Variants in SLC2A1 observed in about 807,000 individuals in gnomAD.
SLC2A1 encodes the protein solute carrier family 2 member 1.
A neutral mutation model predicts 46.6 loss-of-function variants in SLC2A1; 4 were observed. The observed-to-expected ratio is 0.09, with a 90% CI of 0.04 to 0.20. The LOEUF is 0.20. Among genes scored for constraint, SLC2A1 ranks in the 10% least tolerant of loss-of-function variants. The probability of loss-of-function intolerance (pLI) is 1.00; values close to 1 mark genes in which losing one functional copy is unlikely to be tolerated. For missense variants in SLC2A1, 352 were observed against 667.0 expected, an observed-to-expected ratio of 0.53 and a Z score of 5.20; for synonymous variants, 253 against 270.0, an observed-to-expected ratio of 0.94 and a Z score of 0.62.
Position 42,929,726 on chromosome 1 carries a change from T to C in SLC2A1, c.734A>G (p.Lys245Arg), listed in dbSNP as rs773788706. ...CCGCATCATCTGCCGACTCTCTTCC[T>C]TCATCTCCTGCAGGTCATGGGTCAC... ...ADVTHDLQEM[K>R]EESRQMMREK... Residue 245 changes from lysine (K) to arginine (R), a missense_variant, in exon 6 of 10, where the codon AAG (lysine) becomes AGG (arginine). Lys to Arg is a conservative substitution (Grantham distance 26). Around this residue, in one of 5 missense-constraint regions of SLC2A1, gnomAD observed 167 missense variants for 280.8 expected, o/e 0.59. Coordinates refer to ENST00000426263, the MANE Select transcript of SLC2A1 (RefSeq NM_006516.4). The surrounding 1 kb of genome is among the most constrained non-coding windows in gnomAD (Gnocchi z 6.0). 1.2e-6 allele frequency: 2 copies of C among 1,614,014 alleles called. No individual in the cohort carries two copies. Among genetic ancestry groups the C allele is most frequent in the African/African-American group, 1.3e-5 (1 of 74,914 alleles).
At chr1:42,939,784 C>T (rs1431615804) in intron 2 of SLC2A1, among the ~76,000 whole-genome samples, 1 of 151,990 alleles carries the variant, frequency 6.6e-6, no homozygotes, top group African/African-American at 2.4e-5. Context: ...CCCATCTCTA[C>T]TAAAAACACA....
At chr1:42,947,179 G>A (rs1643664926) in intron 1 of SLC2A1, among the ~76,000 whole-genome samples, 1 of 152,166 alleles carries the variant, frequency 6.6e-6, no homozygotes, top group Non-Finnish European at 1.5e-5. Context: ...TTATTCTGGT[G>A]TCAAGCTGAT....
intron 2 of SLC2A1, among the ~76,000 whole-genome samples, chr1:42,938,782 A>G (rs1464311298): frequency 6.6e-6 from 1 of 152,210 alleles, no homozygotes; most frequent in South Asian, 2.1e-4. Context: ...TATGAGGTCA[A>G]CTAACCCTTC....
chr1:42,952,077 G>T, intron 1 of SLC2A1: 1 of 441,348 alleles, frequency 2.3e-6, no homozygotes, highest in East Asian at 3.5e-5. Context: ...GGGCAAGGAT[G>T]GGGTCAACAG....
intron 2 of SLC2A1, among the ~76,000 whole-genome samples, chr1:42,931,670 A>AAAAAAAAAATT (rs1643491292): frequency 6.7e-6 from 1 of 149,840 alleles, no homozygotes; most frequent in Admixed American, 6.6e-5. Flanking sequence ...TACTAAAAAT[A>AAAAAAAAAATT]AAAAAAAAAT....
chr1:42,945,738 C>CAAAAAAAAAAAAAA (rs1166067644), intron 1 of SLC2A1, among the ~76,000 whole-genome samples: 1 of 115,448 alleles, frequency 8.7e-6, no homozygotes, highest in African/African-American at 2.8e-5. Flanking sequence ...GACTCTGTCT[C>CAAAAAAAAAAAAAA]AAAAAAAAAA....
chr1:42,939,103 G>C (rs530249645), intron 2 of SLC2A1, among the ~76,000 whole-genome samples: 6 of 152,232 alleles, frequency 3.9e-5, no homozygotes, highest in East Asian at 1.9e-4. Context: ...TGAATGAAAG[G>C]GTTGGCCAGA....
chr1:42,934,716 T>C (rs1439953417), intron 2 of SLC2A1, among the ~76,000 whole-genome samples: 2 of 152,088 alleles, frequency 1.3e-5, no homozygotes, highest in Non-Finnish European at 2.9e-5. Flanking sequence ...CCCTGGGTCA[T>C]GTGTGAGGTG....
chr1:42,949,292 A>C (rs929010329), intron 1 of SLC2A1, among the ~76,000 whole-genome samples: 5 of 152,110 alleles, frequency 3.3e-5, no homozygotes, highest in African/African-American at 7.2e-5. Context: ...AGAAAGAAAG[A>C]AGCTCAAGAA....
At chr1:42,935,671 T>C (rs1643535643) in intron 2 of SLC2A1, among the ~76,000 whole-genome samples, 1 of 152,226 alleles carries the variant, frequency 6.6e-6, no homozygotes, top group Admixed American at 6.5e-5. Flanking sequence ...CTCCAGACCC[T>C]GCTCGGCTGC....
chr1:42,937,883 G>A (rs796575543), intron 2 of SLC2A1, among the ~76,000 whole-genome samples: 1 of 152,166 alleles, frequency 6.6e-6, no homozygotes, highest in East Asian at 1.9e-4. Flanking sequence ...TGGGTTGGGA[G>A]GCGGGTGTTG....
Position 42,934,168 on chromosome 1 carries a change from G to A in SLC2A1, c.115-2962C>T, listed in dbSNP as rs1643519664. Among the ~76,000 whole-genome samples the A allele has an allele frequency of 2.6e-5, 4 of 152,224 alleles. 1 individual carries two copies. The highest frequency in any genetic ancestry group is 2.4e-5 in the African/African-American group (1 of 41,444). On this transcript the variant is annotated intron_variant, in intron 2 of 9. Transcript: ENST00000426263. ...CAAGAGGGCTGTGTGTAAGTGAGGT[G>A]TGACCAGAGCTCCACCCTGAGTTAC... is the stretch of plus-strand genomic sequence containing the variant.
intron 1 of SLC2A1, among the ~76,000 whole-genome samples, chr1:42,957,478 G>A (rs1643788537): frequency 6.6e-6 from 1 of 152,096 alleles, no homozygotes; most frequent in African/African-American, 2.4e-5. Context: ...CTACCCCCGC[G>A]TCCCAGCTAA....
At chr1:42,932,949 C>T (rs938933178) in intron 2 of SLC2A1, among the ~76,000 whole-genome samples, 19 of 152,200 alleles carry the variant, frequency 1.2e-4, no homozygotes, top group Non-Finnish European at 1.0e-4. Flanking sequence ...GTTCCAAGGA[C>T]GCCATGCAGG....
chr1:42,958,842 G>A lies in SLC2A1; in HGVS notation c.-191C>T. 1.7e-6 allele frequency: 1 copy of A among 578,736 alleles called. No homozygotes were observed. Among genetic ancestry groups the A allele is most frequent in the Non-Finnish European group, 3.1e-6 (1 of 326,352 alleles). The allele number at this position is 578,736 out of a possible 1,614,324, so 35.9% of individuals were successfully genotyped here. The stretch of plus-strand genomic sequence containing the variant: ...GGGACCCGCGACTAGCGACCGGCAC[G>A]CTCGCTGTTGCTACCTCTTGCCTCT... On this transcript the variant is annotated 5_prime_UTR_variant, in exon 1 of 10. Coordinates refer to ENST00000426263, the MANE Select transcript of SLC2A1 (RefSeq NM_006516.4).
At chr1:42,955,059 A>C (rs1181029317) in intron 1 of SLC2A1, among the ~76,000 whole-genome samples, 1 of 152,166 alleles carries the variant, frequency 6.6e-6, no homozygotes, top group African/African-American at 2.4e-5. Context: ...GATTTACCTG[A>C]CTTAATACCC....
At chr1:42,932,076 G>T (rs1208465631) in intron 2 of SLC2A1, among the ~76,000 whole-genome samples, 1 of 152,188 alleles carries the variant, frequency 6.6e-6, no homozygotes, top group Non-Finnish European at 1.5e-5. Context: ...GTGCTTGAAA[G>T]ACTCACGCTG....
chr1:42,937,858 A>G (rs1164421448), intron 2 of SLC2A1, among the ~76,000 whole-genome samples: 1 of 152,208 alleles, frequency 6.6e-6, no homozygotes, highest in Non-Finnish European at 1.5e-5. Context: ...GTTCAGCCTG[A>G]CGGGACACAG....
chr1:42,930,546 C>A lies in SLC2A1; in HGVS notation c.516+80G>T, dbSNP rs752146304. ...GGGGCTGGGCGGAAGAGAAACTCTG[C>A]CCTGCTGGGCACAGATCCGAGAGCC... is the stretch of plus-strand genomic sequence containing the variant. On this transcript the variant is annotated intron_variant, in intron 4 of 9. Transcript: ENST00000426263. The surrounding 1 kb of genome is among the most constrained non-coding windows in gnomAD (Gnocchi z 6.2). 17 of 1,584,740 alleles carry A rather than the reference C, an allele frequency of 1.1e-5. No homozygotes were observed. Among genetic ancestry groups the A allele is most frequent in the Non-Finnish European group, 1.0e-5 (12 of 1,161,390 alleles).
Sources: gnomAD v4.1 joint callset for allele counts (sites outside exome capture counted in the v4.1 genomes callset) on GRCh38, gnomAD v4.1.1 for gene constraint, gnomAD v4.1.1 regional missense constraint, Gnocchi (gnomAD v3.1) non-coding constraint, MANE v1.5 for transcripts, NCBI Gene and HGNC (gene_info 2026-07-23, HGNC 2026-07-21) for gene names.